Variants in ATRNL1 observed in about 807,000 individuals in gnomAD.
ATRNL1 encodes the protein attractin-like protein 1.
Under a neutral mutation model 182.7 loss-of-function variants are expected in ATRNL1, and 95 were observed. That is an observed-to-expected ratio of 0.52 (90% CI 0.44 to 0.62). The LOEUF (loss-of-function observed/expected upper bound fraction) is 0.62, where lower values mean the gene tolerates loss of function less well. Ranked by LOEUF, ATRNL1 falls within the 20% of genes least tolerant of loss-of-function variation. The probability of loss-of-function intolerance (pLI) is 0.00; values close to 1 mark genes in which losing one functional copy is unlikely to be tolerated. For missense variants in ATRNL1, 1,471 were observed against 1,679.5 expected (o/e 0.88, Z 2.17); for synonymous variants, 576 against 568.3 (o/e 1.01, Z -0.19).
At chr10:115,199,290 G>A (rs995610096) in intron 8 of ATRNL1, among the ~76,000 whole-genome samples, 1 of 151,158 alleles carries the variant, frequency 6.6e-6, no homozygotes, top group African/African-American at 2.4e-5. Flanking sequence ...AAAATGTTTC[G>A]GCTGGGTGCA....
chr10:115,340,476 C>CTTTT (rs1430940795), intron 19 of ATRNL1, among the ~76,000 whole-genome samples: 8 of 95,124 alleles, frequency 8.4e-5, no homozygotes, highest in African/African-American at 2.0e-4. Flanking sequence ...CTTTTCTTTT[C>CTTTT]TTTTTTTTTT....
chr10:115,585,569 A>G (rs1473697652), intron 26 of ATRNL1, among the ~76,000 whole-genome samples: 2 of 75,426 alleles, frequency 2.7e-5, no homozygotes, highest in African/African-American at 1.2e-4. Flanking sequence ...CTAGGATTGC[A>G]ACCCCTGTCT....
intron 27 of ATRNL1, among the ~76,000 whole-genome samples, chr10:115,785,390 G>C (rs1555080171): frequency 2.0e-5 from 3 of 152,138 alleles, no homozygotes; most frequent in Non-Finnish European, 4.4e-5. Flanking sequence ...TTCATCCGTG[G>C]CTCCACCCTT....
intron 26 of ATRNL1, among the ~76,000 whole-genome samples, chr10:115,653,783 T>G (rs1391086881): frequency 6.6e-6 from 1 of 152,182 alleles, no homozygotes; most frequent in Non-Finnish European, 1.5e-5. Context: ...ATTTATCTTT[T>G]TATCTCCAAA....
At chr10:115,246,928 A>G (rs1264917159) in intron 10 of ATRNL1, among the ~76,000 whole-genome samples, 1 of 152,220 alleles carries the variant, frequency 6.6e-6, no homozygotes, top group African/African-American at 2.4e-5. Flanking sequence ...ATTACTGAAT[A>G]AAGATTAATG....
chr10:115,572,897 G>T (rs1320808964), intron 26 of ATRNL1, among the ~76,000 whole-genome samples: 10 of 152,126 alleles, frequency 6.6e-5, no homozygotes, highest in Non-Finnish European at 1.5e-4. Flanking sequence ...GCTTGAGGGA[G>T]GGGGAGCATG....
At chr10:115,437,149 G>C (rs1253573595) in intron 21 of ATRNL1, among the ~76,000 whole-genome samples, 3 of 151,900 alleles carry the variant, frequency 2.0e-5, no homozygotes, top group African/African-American at 7.2e-5. Flanking sequence ...CATGTACAAA[G>C]GTTCGTGACT....
intron 20 of ATRNL1, among the ~76,000 whole-genome samples, chr10:115,404,198 T>G (rs1176867920): frequency 6.6e-6 from 1 of 152,224 alleles, no homozygotes; most frequent in Non-Finnish European, 1.5e-5. Context: ...CCCATCAGTC[T>G]TTCTATACCA....
intron 24 of ATRNL1, among the ~76,000 whole-genome samples, chr10:115,471,098 CTA>C (rs1343907427): frequency 2.0e-5 from 3 of 150,606 alleles, no homozygotes; most frequent in African/African-American, 7.3e-5. Context: ...TCAGTTTCTT[CTA>C]TGTTGTCACA....
At chr10:115,530,816 C>T (rs1851532065) in intron 25 of ATRNL1, among the ~76,000 whole-genome samples, 1 of 125,964 alleles carries the variant, frequency 7.9e-6, no homozygotes. Context: ...GTGTGATGTT[C>T]CCCTTCCTGT....
chr10:115,499,472 G>T (rs1340995571), intron 24 of ATRNL1, among the ~76,000 whole-genome samples: 1 of 152,200 alleles, frequency 6.6e-6, no homozygotes, highest in Non-Finnish European at 1.5e-5. Context: ...ATTTGCCAAG[G>T]TTGAGGACAT....
intron 5 of ATRNL1, among the ~76,000 whole-genome samples, chr10:115,147,365 T>C (rs1846018462): frequency 6.6e-6 from 1 of 152,328 alleles, no homozygotes; most frequent in Non-Finnish European, 1.5e-5. Flanking sequence ...TCCTGGATTT[T>C]AGGTCCCTGT....
chr10:115,132,774 G>C (rs1845313812), intron 5 of ATRNL1, among the ~76,000 whole-genome samples: 1 of 152,050 alleles, frequency 6.6e-6, no homozygotes, highest in Non-Finnish European at 1.5e-5. Flanking sequence ...TTTTTGATGG[G>C]GTTGTTTGAT....
intron 27 of ATRNL1, among the ~76,000 whole-genome samples, chr10:115,741,014 T>C (rs1555067514): frequency 6.6e-6 from 1 of 152,164 alleles, no homozygotes; most frequent in East Asian, 1.9e-4. Flanking sequence ...TATTTTAAAC[T>C]GGAAATTCTA....
chr10:115,677,836 C>T (rs1555043534), intron 26 of ATRNL1, among the ~76,000 whole-genome samples: 1 of 151,970 alleles, frequency 6.6e-6, no homozygotes, highest in East Asian at 1.9e-4. Flanking sequence ...TGAGTCTCTG[C>T]ATCAGAGAGC....
In ATRNL1 at chr10:115,281,382, G is replaced by T. The variant is rs574127232; in HGVS notation, c.2128G>T (p.Val710Leu). Residue 710 changes from valine to leucine, a missense_variant, in exon 14 of 29, where the codon GTG (valine) becomes TTG (leucine). Around this residue, in one of 3 missense-constraint regions of ATRNL1, gnomAD observed 1,031 missense variants for 1,156.0 expected, o/e 0.89. Coordinates refer to ENST00000355044, the MANE Select transcript of ATRNL1 (RefSeq NM_207303.4). The stretch of plus-strand genomic sequence containing the variant: ...TGTCAAGAACTACACCAAATGTCAT[G>T]TGAGAAATGAGCAGATTTGTAACAA... Reference protein sequence around the residue: ...MSVKNYTKCHVRNEQICNKLT... With the variant: ...MSVKNYTKCHLRNEQICNKLT... 5 of 1,613,104 alleles carry T rather than the reference G, an allele frequency of 3.1e-6. No homozygotes were observed. The African/African-American group carries it at 6.7e-5, about 22-fold the overall frequency.
At chr10:115,776,543 GT>G (rs1565369317) in intron 27 of ATRNL1, among the ~76,000 whole-genome samples, 1 of 143,890 alleles carries the variant, frequency 6.9e-6, no homozygotes, top group African/African-American at 2.9e-5. Context: ...AAGTTTGTCA[GT>G]TTTGGGGTCC....
Position 115,475,743 on chromosome 10 carries a change from A to G in ATRNL1, c.3654+6414A>G, listed in dbSNP as rs550601045. On this transcript the variant is annotated intron_variant, in intron 24 of 28. Transcript: ENST00000355044. ...TCTAAATTGTAAATAGATGATCATC[A>G]TTTTCTTTTTCTTCATCATCACCGT... 1.6e-3 allele frequency among the ~76,000 whole-genome samples: 243 copies of G among 151,418 alleles called. 3 individuals carry two copies. Among genetic ancestry groups the G allele is most frequent in the African/African-American group, 5.7e-3 (238 of 41,442 alleles).
chr10:115,670,473 A>G (rs1945660856), intron 26 of ATRNL1, among the ~76,000 whole-genome samples: 1 of 152,124 alleles, frequency 6.6e-6, no homozygotes, highest in Non-Finnish European at 1.5e-5. Flanking sequence ...ATTCTACAAT[A>G]TTTCACAATA....
Sources: gnomAD v4.1 joint callset for allele counts (sites outside exome capture counted in the v4.1 genomes callset) on GRCh38, gnomAD v4.1.1 for gene constraint, gnomAD v4.1.1 regional missense constraint, MANE v1.5 for transcripts, NCBI Gene and HGNC (gene_info 2026-07-23, HGNC 2026-07-21) for gene names.